Variants in IQGAP3 observed in about 807,000 individuals in gnomAD.
IQGAP3 encodes IQ motif containing GTPase activating protein 3, also known as ras GTPase-activating-like protein IQGAP3.
A neutral mutation model predicts 208.2 loss-of-function variants in IQGAP3; 165 were observed. The observed-to-expected ratio is 0.79, with a 90% CI of 0.70 to 0.90. The LOEUF is 0.90. IQGAP3 is among the 40% of genes least tolerant of loss of function. The pLI, the probability that IQGAP3 is intolerant of heterozygous loss-of-function variation, is 0.00. For synonymous variants in IQGAP3, 703 were observed against 803.6 expected (o/e 0.87, Z 2.12); for missense variants, 1,811 against 2,043.1 (o/e 0.89, Z 2.19).
chr1:156,547,388 G>C (rs201516028), intron 19 of IQGAP3, among the ~76,000 whole-genome samples: 71 of 147,308 alleles, frequency 4.8e-4, no homozygotes, highest in African/African-American at 1.1e-3. Flanking sequence ...CAGACACACA[G>C]ACACACACAC....
intron 34 of IQGAP3, among the ~76,000 whole-genome samples, 173 bp from the exon 35 acceptor site, chr1:156,529,255 T>C (rs538273167): frequency 6.6e-6 from 1 of 152,350 alleles, no homozygotes; most frequent in East Asian, 1.9e-4. Context: ...TCAAGGCATG[T>C]CCTCAGGGCC....
At chr1:156,563,440 G>A in intron 7 of IQGAP3, 113 bp downstream of exon 7, 1 of 1,320,082 alleles carries the variant, frequency 7.6e-7, no homozygotes, top group Non-Finnish European at 1.0e-6. Flanking sequence ...CAGGTAGCCT[G>A]ATGGCCCTAT....
intron 1 of IQGAP3, among the ~76,000 whole-genome samples, chr1:156,571,374 T>G (rs1439797814): frequency 2.0e-5 from 3 of 151,212 alleles, no homozygotes; most frequent in Admixed American, 2.0e-4. Flanking sequence ...CCGGTTGTTA[T>G]CCTATTTCCT....
chr1:156,539,586 C>T lies in IQGAP3; in HGVS notation c.2893-49G>A, dbSNP rs559062319. On this transcript the variant is annotated intron_variant, in intron 24 of 37. Transcript: ENST00000361170. ...AATGGCTGACCATGCACTTCAAGGACCAGTGATAGGATAAGGAAAGGCTTT... is the reference window on the plus strand; with the variant it reads ...AATGGCTGACCATGCACTTCAAGGATCAGTGATAGGATAAGGAAAGGCTTT... The T allele has an allele frequency of 1.9e-6, 3 of 1,583,340 alleles. No homozygotes were observed. In the South Asian group the frequency reaches 3.3e-5, roughly 18 times the overall value.
intron 22 of IQGAP3, among the ~76,000 whole-genome samples, chr1:156,543,747 T>G (rs1426805219): frequency 2.7e-5 from 4 of 149,838 alleles, no homozygotes; most frequent in Non-Finnish European, 4.4e-5. Flanking sequence ...GCAGATAATC[T>G]AAGCCTGTTC....
intron 33 of IQGAP3, among the ~76,000 whole-genome samples, chr1:156,530,900 A>G (rs1230301611): frequency 6.6e-6 from 1 of 152,116 alleles, no homozygotes; most frequent in Non-Finnish European, 1.5e-5. Flanking sequence ...AGTGCCCCCC[A>G]TAGCCCTAGT....
intron 27 of IQGAP3, among the ~76,000 whole-genome samples, chr1:156,535,595 G>C (rs1674650968): frequency 6.6e-6 from 1 of 152,118 alleles, no homozygotes; most frequent in Non-Finnish European, 1.5e-5. Flanking sequence ...CCATCCCCCA[G>C]AGGCACCATT....
chr1:156,527,163 T>A (rs1674119483), intron 37 of IQGAP3, among the ~76,000 whole-genome samples: 1 of 150,704 alleles, frequency 6.6e-6, no homozygotes, highest in Non-Finnish European at 1.5e-5. Flanking sequence ...AGGTAAAACA[T>A]CAGAGCAAAA....
At position 156,562,504 on chromosome 1, in the gene IQGAP3, T is replaced by C. The variant is rs1676202002; in HGVS notation, c.877+83A>G. 5.3e-6 allele frequency: 6 copies of C among 1,124,548 alleles called. No individual in the cohort carries two copies. The South Asian group carries it at 7.4e-5, about 14-fold the overall frequency. 69.7% of individuals were successfully genotyped at this position (1,124,548 alleles called of 1,614,324 possible). A position where few individuals can be genotyped will look rare whatever the true frequency, so the allele number is the denominator to read the frequency against. On this transcript the variant is annotated intron_variant, in intron 9 of 37. Coordinates refer to ENST00000361170, the MANE Select transcript of IQGAP3 (RefSeq NM_178229.5). ...AATGAGACCATAGGGCTTTCTGGCTTGAGAAAAGCTATCCCCAAACCTCCC... is the reference window on the plus strand; with the variant it reads ...AATGAGACCATAGGGCTTTCTGGCTCGAGAAAAGCTATCCCCAAACCTCCC...
At chr1:156,536,647 A>G (rs1674699698) in intron 27 of IQGAP3, among the ~76,000 whole-genome samples, 1 of 152,212 alleles carries the variant, frequency 6.6e-6, no homozygotes, top group African/African-American at 2.4e-5. Context: ...ACCAAAAAGA[A>G]ATAAATGTTT....
intron 22 of IQGAP3, among the ~76,000 whole-genome samples, chr1:156,541,604 G>A (rs1674987676): frequency 6.6e-6 from 1 of 152,166 alleles, no homozygotes; most frequent in Non-Finnish European, 1.5e-5. Context: ...GACCACCTGT[G>A]AGGTCAGTAC....
At chr1:156,529,576 G>A (rs376687350) in intron 34 of IQGAP3, among the ~76,000 whole-genome samples, 3 of 152,070 alleles carry the variant, frequency 2.0e-5, no homozygotes, top group African/African-American at 7.2e-5. Flanking sequence ...CTTGAGGTCA[G>A]GAGTTTGAGA....
At chr1:156,538,053 G>A (rs777073206) in intron 26 of IQGAP3, among the ~76,000 whole-genome samples, 8 of 151,762 alleles carry the variant, frequency 5.3e-5, no homozygotes, top group South Asian at 2.1e-4. Context: ...CACAACACCC[G>A]GCGAATTTTT....
intron 19 of IQGAP3, among the ~76,000 whole-genome samples, chr1:156,547,479 G>A (rs1265743269): frequency 1.3e-5 from 2 of 151,882 alleles, no homozygotes; most frequent in Non-Finnish European, 2.9e-5. Flanking sequence ...ATGCTGGAGT[G>A]CAGTGGTGTC....
chr1:156,535,804 T>C (rs1674661332), intron 27 of IQGAP3, among the ~76,000 whole-genome samples: 1 of 152,162 alleles, frequency 6.6e-6, no homozygotes, highest in African/African-American at 2.4e-5. Context: ...ACCAGAGATA[T>C]TATCTTAGAC....
At chr1:156,544,517 T>A in intron 19 of IQGAP3, 45 bp from the exon 20 acceptor site, 1 of 1,536,192 alleles carries the variant, frequency 6.5e-7, no homozygotes. Context: ...CAGGTCTCCT[T>A]TGGCCAGAAA....
intron 19 of IQGAP3, among the ~76,000 whole-genome samples, chr1:156,547,262 G>A (rs1042427348): frequency 2.0e-5 from 3 of 152,110 alleles, no homozygotes; most frequent in Non-Finnish European, 2.9e-5. Context: ...AAAGGTAGAA[G>A]GCTATTCTCT....
intron 16 of IQGAP3, among the ~76,000 whole-genome samples, chr1:156,549,746 T>C (rs983844410): frequency 2.0e-5 from 3 of 152,152 alleles, no homozygotes; most frequent in African/African-American, 7.2e-5. Flanking sequence ...TTCCACTCAC[T>C]AGCAGACAGA....
chr1:156,562,922 A>G (rs1045105215), intron 8 of IQGAP3, among the ~76,000 whole-genome samples: 2 of 152,202 alleles, frequency 1.3e-5, no homozygotes, highest in Non-Finnish European at 2.9e-5. Flanking sequence ...CCTGAAGATC[A>G]TCCCCCAAGA....
Sources: gnomAD v4.1 joint callset for allele counts (sites outside exome capture counted in the v4.1 genomes callset) on GRCh38, gnomAD v4.1.1 for gene constraint, MANE v1.5 for transcripts, NCBI Gene and HGNC (gene_info 2026-07-23, HGNC 2026-07-21) for gene names.